Variants in LRRFIP1 observed in about 807,000 individuals in gnomAD.
LRRFIP1 encodes LRR binding FLII interacting protein 1.
LRRFIP1 carries 62 observed loss-of-function variants against 104.4 expected under a neutral mutation model. The ratio of observed to expected loss-of-function variants is 0.59; its 90% confidence interval spans 0.48 to 0.73. The LOEUF is 0.73. Among genes scored for constraint, LRRFIP1 ranks in the 30% least tolerant of loss-of-function variants. LRRFIP1 has a pLI of 0.00. For missense variants in LRRFIP1, 796 were observed against 824.5 expected (o/e 0.97, Z 0.42); for synonymous variants, 300 against 299.0 (o/e 1.00, Z -0.03).
intron 19 of LRRFIP1, among the ~76,000 whole-genome samples, chr2:237,760,932 A>C (rs55720048): frequency 6.6e-6 from 1 of 152,208 alleles, no homozygotes; most frequent in Non-Finnish European, 1.5e-5. Flanking sequence ...ATAATTTGTC[A>C]TAAGAGTTGG....
Position 237,701,297 on chromosome 2 carries a change from G to A in LRRFIP1, c.97-7247G>A, listed in dbSNP as rs144212351. Reference sequence around the variant, plus strand: ...CAAGAAGGATACAAATGCCATTAGAGCTGCTAGAGCCCCAGACGTCACTGG... The same window carrying A: ...CAAGAAGGATACAAATGCCATTAGAACTGCTAGAGCCCCAGACGTCACTGG... On this transcript the variant is annotated intron_variant, in intron 1 of 23. Coordinates refer to ENST00000308482, the MANE Select transcript of LRRFIP1 (RefSeq NM_001137550.2). Among the ~76,000 whole-genome samples, 324 of 152,352 alleles carry A rather than the reference G, an allele frequency of 2.1e-3. 3 individuals carry two copies. Among genetic ancestry groups the A allele is most frequent in the African/African-American group, 7.6e-3 (314 of 41,576 alleles).
rs79265368 is a variant in LRRFIP1 at position 237,754,797 on chromosome 2, C to G, written c.1039-1298C>G. On this transcript the variant is annotated intron_variant, in intron 15 of 23. Coordinates refer to ENST00000308482, the MANE Select transcript of LRRFIP1 (RefSeq NM_001137550.2). ...GGAGTGGAGAGCACAGCCCAGCCCC[C>G]CTTCGGGTGGGGGCCTGTAATGCAT... is the stretch of plus-strand genomic sequence containing the variant. 6.8e-4 allele frequency among the ~76,000 whole-genome samples: 103 copies of G among 152,344 alleles called. No individual in the cohort carries two copies. The East Asian group carries it at 0.014, about 20-fold the overall frequency.
chr2:237,742,788 G>A (rs1180650268), intron 11 of LRRFIP1, among the ~76,000 whole-genome samples: 2 of 152,166 alleles, frequency 1.3e-5, no homozygotes, highest in African/African-American at 4.8e-5. Flanking sequence ...AGGAGCAACA[G>A]GTCTTGGGCA....
intron 16 of LRRFIP1, among the ~76,000 whole-genome samples, chr2:237,757,059 G>C (rs897940130): frequency 6.6e-6 from 1 of 151,558 alleles, no homozygotes; most frequent in African/African-American, 2.4e-5. Context: ...TTCCAGAAAG[G>C]CTTGATTTTA....
chr2:237,704,050 C>T (rs181693007), intron 1 of LRRFIP1, among the ~76,000 whole-genome samples: 9 of 152,140 alleles, frequency 5.9e-5, no homozygotes, highest in Middle Eastern at 3.4e-3. Flanking sequence ...GCACAGTCAG[C>T]GCTCTCCCCA....
intron 1 of LRRFIP1, among the ~76,000 whole-genome samples, chr2:237,651,402 A>G (rs143797986): frequency 2.4e-4 from 37 of 152,220 alleles, no homozygotes; most frequent in Non-Finnish European, 5.0e-4. Flanking sequence ...AACATAATAA[A>G]CTTTTTTCCA....
chr2:237,682,195 G>A (rs1173018715), intron 1 of LRRFIP1, among the ~76,000 whole-genome samples: 3 of 152,138 alleles, frequency 2.0e-5, no homozygotes, highest in Non-Finnish European at 4.4e-5. Flanking sequence ...TTGTTTTGCG[G>A]GAAAAAAATA....
intron 2 of LRRFIP1, among the ~76,000 whole-genome samples, chr2:237,710,930 A>G (rs2094047254): frequency 6.6e-6 from 1 of 152,166 alleles, no homozygotes; most frequent in Non-Finnish European, 1.5e-5. Context: ...GCGTGGTGGC[A>G]TGCACCTGTA....
intron 4 of LRRFIP1, among the ~76,000 whole-genome samples, chr2:237,718,933 A>G (rs550485434): frequency 6.6e-6 from 1 of 152,236 alleles, no homozygotes; most frequent in Non-Finnish European, 1.5e-5. Context: ...GAAAGAGAAA[A>G]AAAGAAAAGA....
At chr2:237,714,773 G>A (rs547268038) in intron 3 of LRRFIP1, among the ~76,000 whole-genome samples, 5 of 152,296 alleles carry the variant, frequency 3.3e-5, no homozygotes, top group African/African-American at 9.6e-5. Flanking sequence ...ATAAAATGAC[G>A]TGCCTCTCTG....
At chr2:237,752,449 G>A (rs1436898953) in intron 14 of LRRFIP1, among the ~76,000 whole-genome samples, 1 of 152,220 alleles carries the variant, frequency 6.6e-6, no homozygotes, top group Non-Finnish European at 1.5e-5. Flanking sequence ...ACCAACCGGA[G>A]ACCCGCTGGT....
intron 1 of LRRFIP1, among the ~76,000 whole-genome samples, chr2:237,686,881 G>A (rs57298090): frequency 0.043 from 6,496 of 152,340 alleles, 373 homozygotes; most frequent in African/African-American, 0.13. Context: ...GCTCCTACCA[G>A]TGCCCCTAGT....
chr2:237,733,850 C>G (rs776897627), intron 9 of LRRFIP1, 32 bp downstream of exon 9: 5 of 1,612,132 alleles, frequency 3.1e-6, no homozygotes, highest in Non-Finnish European at 4.2e-6. Context: ...CTGCCCCGCA[C>G]CCCCTCCCAC....
At chr2:237,633,744 C>G (rs1433973011) in intron 1 of LRRFIP1, among the ~76,000 whole-genome samples, 1 of 152,186 alleles carries the variant, frequency 6.6e-6, no homozygotes, top group East Asian at 1.9e-4. Context: ...TCAGAGACAC[C>G]ATGGGACATG....
chr2:237,660,842 T>C (rs1042732823), intron 1 of LRRFIP1, among the ~76,000 whole-genome samples: 2 of 151,420 alleles, frequency 1.3e-5, no homozygotes, highest in African/African-American at 4.8e-5. Context: ...CGGTGCTACA[T>C]GTCTGTGGCA....
chr2:237,649,864 AC>A lies in LRRFIP1; in HGVS notation c.96+22130del, dbSNP rs35716594. Among the ~76,000 whole-genome samples, 20,719 of 151,274 alleles carry A rather than the reference AC, an allele frequency of 0.14. 2,161 individuals are homozygous for A. Among genetic ancestry groups the A allele is most frequent in the Non-Finnish European group, 0.21 (14,530 of 67,716 alleles). On this transcript the variant is annotated intron_variant, in intron 1 of 23. Transcript: ENST00000308482. This position sits in a 1 kb window ranked among gnomAD's most constrained non-coding sequence, Gnocchi z 4.1. Reference sequence around the variant, plus strand: ...GATTCAACAAAAAAAAAAATTGATTACCCCCCGGCATGTCCTAATATACTGC... The same window carrying A: ...GATTCAACAAAAAAAAAAATTGATTACCCCCGGCATGTCCTAATATACTGC...
intron 1 of LRRFIP1, among the ~76,000 whole-genome samples, chr2:237,668,139 G>A (rs1476848562): frequency 3.9e-5 from 6 of 151,912 alleles, no homozygotes; most frequent in African/African-American, 4.8e-5. Context: ...GGGCTCCCCC[G>A]AGCTTGTTCC....
intron 1 of LRRFIP1, among the ~76,000 whole-genome samples, chr2:237,684,948 G>A (rs1019855061): frequency 9.9e-5 from 15 of 151,152 alleles, no homozygotes; most frequent in East Asian, 3.9e-4. Flanking sequence ...TTAGCCAGGC[G>A]TGGTGGTGCA....
At chr2:237,778,858 A>C (rs943624120) in intron 23 of LRRFIP1, among the ~76,000 whole-genome samples, 2 of 151,944 alleles carry the variant, frequency 1.3e-5, no homozygotes, top group African/African-American at 4.8e-5. Flanking sequence ...CGGAGGTTGC[A>C]GTGAGCCAAG....
Sources: gnomAD v4.1 joint callset for allele counts (sites outside exome capture counted in the v4.1 genomes callset) on GRCh38, gnomAD v4.1.1 for gene constraint, Gnocchi (gnomAD v3.1) non-coding constraint, MANE v1.5 for transcripts, NCBI Gene and HGNC (gene_info 2026-07-23, HGNC 2026-07-21) for gene names.